Variants in STRADB observed in about 807,000 individuals in gnomAD.
STRADB encodes STE20-related kinase adapter protein beta.
In STRADB, 34 loss-of-function variants were observed where a neutral mutation model predicts 52.1. The ratio of observed to expected loss-of-function variants is 0.65; its 90% CI spans 0.50 to 0.87. The LOEUF is 0.87. Ranked by LOEUF, STRADB falls within the 40% of genes least tolerant of loss-of-function variation. The pLI is 0.00. For missense variants in STRADB, 340 were observed against 483.9 expected, an observed-to-expected ratio of 0.70 and a Z score of 2.79; for synonymous variants, 133 against 174.5, an observed-to-expected ratio of 0.76 and a Z score of 1.87.
chr2:201,466,736 G>A (rs1440357544), intron 3 of STRADB, among the ~76,000 whole-genome samples: 4 of 152,192 alleles, frequency 2.6e-5, no homozygotes, highest in Admixed American at 1.3e-4. Flanking sequence ...TGTTTGAGCT[G>A]AGATGCTTTT....
chr2:201,479,002 A>T (rs1252600925), intron 10 of STRADB: 3 of 201,752 alleles, frequency 1.5e-5, no homozygotes, highest in African/African-American at 7.2e-5. Flanking sequence ...GAACCCAGTA[A>T]GCAGAGGTTG....
At chr2:201,466,225 T>C (rs989411947) in intron 3 of STRADB, among the ~76,000 whole-genome samples, 2 of 152,170 alleles carry the variant, frequency 1.3e-5, no homozygotes, top group Non-Finnish European at 2.9e-5. Context: ...GTGATTCTTG[T>C]CTCCATGCTG....
chr2:201,463,718 A>C (rs1420935007), intron 3 of STRADB, among the ~76,000 whole-genome samples: 1 of 152,152 alleles, frequency 6.6e-6, no homozygotes, highest in Non-Finnish European at 1.5e-5. Flanking sequence ...CAATGCCGAT[A>C]AATCTTAGAT....
At chr2:201,466,534 G>A (rs1024597949) in intron 3 of STRADB, among the ~76,000 whole-genome samples, 4 of 152,160 alleles carry the variant, frequency 2.6e-5, no homozygotes, top group Non-Finnish European at 4.4e-5. Flanking sequence ...ACCATCTGTT[G>A]TCTTTTCTTT....
chr2:201,473,471 T>C (rs1049860644), intron 5 of STRADB, among the ~76,000 whole-genome samples: 5 of 152,206 alleles, frequency 3.3e-5, no homozygotes, highest in African/African-American at 9.6e-5. Context: ...TTGAGGAGAT[T>C]ACATCTGTAA....
rs375502788 is a variant in STRADB at position 201,471,265 on chromosome 2, C to T, written c.193+1213C>T. On this transcript the variant is annotated intron_variant, in intron 4 of 11. Coordinates refer to ENST00000194530, the MANE Select transcript of STRADB (RefSeq NM_018571.6). ...GTTAGGGGAGAATACCATATAGTTC[C>T]TCTGTGACTGCAAGTGGGAACAAGG... 1.7e-3 allele frequency among the ~76,000 whole-genome samples: 260 copies of T among 152,238 alleles called. 3 individuals carry two copies. The highest frequency in any genetic ancestry group is 6.0e-3 in the African/African-American group (251 of 41,554).
At chr2:201,461,453 T>C (rs1952215076) in intron 3 of STRADB, among the ~76,000 whole-genome samples, 1 of 152,244 alleles carries the variant, frequency 6.6e-6, no homozygotes, top group African/African-American at 2.4e-5. Flanking sequence ...GCTTACAGTC[T>C]GAGCCAATGT....
At chr2:201,472,896 TA>T in intron 4 of STRADB, 58 bp from the exon 5 acceptor site, 1 of 1,519,558 alleles carries the variant, frequency 6.6e-7, no homozygotes, top group Non-Finnish European at 8.8e-7. Context: ...TGATGATGTC[TA>T]AATTGTCAGT....
At chr2:201,469,036 G>T (rs1226200125) in intron 3 of STRADB, among the ~76,000 whole-genome samples, 1 of 152,006 alleles carries the variant, frequency 6.6e-6, no homozygotes, top group Non-Finnish European at 1.5e-5. Flanking sequence ...TTTATCTTTA[G>T]CCATGGGTTT....
chr2:201,464,345 C>G (rs943933771), intron 3 of STRADB, among the ~76,000 whole-genome samples: 1 of 152,116 alleles, frequency 6.6e-6, no homozygotes, highest in African/African-American at 2.4e-5. Flanking sequence ...CTTGCAGACT[C>G]ACAGAGGTAC....
At chr2:201,467,880 T>C (rs1273889353) in intron 3 of STRADB, among the ~76,000 whole-genome samples, 53 of 152,096 alleles carry the variant, frequency 3.5e-4, no homozygotes, top group Non-Finnish European at 1.5e-5. Context: ...ATATTGTGCT[T>C]TTATTTAACC....
chr2:201,476,751 G>A (rs1574294644), intron 7 of STRADB, among the ~76,000 whole-genome samples: 8 of 151,148 alleles, frequency 5.3e-5, no homozygotes, highest in Admixed American at 3.3e-4. Context: ...GAGGCGTGCA[G>A]ATCACTTGAG....
intron 3 of STRADB, among the ~76,000 whole-genome samples, chr2:201,464,011 C>T (rs1477399174): frequency 6.6e-6 from 1 of 152,100 alleles, no homozygotes; most frequent in Non-Finnish European, 1.5e-5. Flanking sequence ...TGTTGAACTT[C>T]CTCAAAACAG....
intron 7 of STRADB, among the ~76,000 whole-genome samples, chr2:201,477,334 G>T (rs1327848758): frequency 6.6e-6 from 1 of 152,088 alleles, no homozygotes; most frequent in African/African-American, 2.4e-5. Context: ...AAAGTGCTGG[G>T]ATTACAGGCG....
chr2:201,478,654 A>G (rs931860047), intron 10 of STRADB, 53 bp downstream of exon 10: 3 of 1,571,550 alleles, frequency 1.9e-6, no homozygotes, highest in South Asian at 1.2e-5. Context: ...TACATTTTAT[A>G]GAAGCTTTGT....
intron 1 of STRADB, among the ~76,000 whole-genome samples, chr2:201,452,501 G>T (rs1952061931): frequency 1.3e-5 from 2 of 152,196 alleles, no homozygotes; most frequent in South Asian, 4.1e-4. Flanking sequence ...AACTTGATAC[G>T]GATGTGTAAC....
intron 2 of STRADB, 63 bp from the exon 3 acceptor site, chr2:201,458,720 AC>A: frequency 6.8e-7 from 1 of 1,464,468 alleles, no homozygotes; most frequent in Non-Finnish European, 9.5e-7. Flanking sequence ...TTTTGTATCT[AC>A]ATACCACCCC....
chr2:201,461,242 G>A (rs1459458993), intron 3 of STRADB, among the ~76,000 whole-genome samples: 3 of 152,048 alleles, frequency 2.0e-5, no homozygotes, highest in African/African-American at 4.8e-5. Context: ...CAGCTGCACT[G>A]CAGTGGTGTA....
At chr2:201,455,753 A>G (rs1952118680) in intron 2 of STRADB, among the ~76,000 whole-genome samples, 1 of 152,192 alleles carries the variant, frequency 6.6e-6, no homozygotes, top group Non-Finnish European at 1.5e-5. Flanking sequence ...TAGTTTACAA[A>G]TACTTTCATA....
Sources: gnomAD v4.1 joint callset for allele counts (sites outside exome capture counted in the v4.1 genomes callset) on GRCh38, gnomAD v4.1.1 for gene constraint, MANE v1.5 for transcripts, NCBI Gene and HGNC (gene_info 2026-07-23, HGNC 2026-07-21) for gene names.